The following IMMP2L variants were observed in gnomAD, a reference collection of about 807,000 sequenced individuals.
IMMP2L encodes mitochondrial inner membrane protease subunit 2.
IMMP2L carries 18 observed loss-of-function variants against 19.3 expected under a neutral mutation model. The ratio of observed to expected loss-of-function variants is 0.93; its 90% confidence interval spans 0.64 to 1.38. The LOEUF is 1.38. Ranked by LOEUF, IMMP2L falls within the 40% of genes most tolerant of loss-of-function variation. The probability of loss-of-function intolerance (pLI) is 0.00; values close to 1 mark genes in which losing one functional copy is unlikely to be tolerated. For synonymous variants in IMMP2L, 76 were observed against 73.0 expected, an observed-to-expected ratio of 1.04 and a Z score of -0.21; for missense variants, 233 against 218.2, an observed-to-expected ratio of 1.07 and a Z score of -0.43.
intron 3 of IMMP2L, among the ~76,000 whole-genome samples, chr7:111,375,915 A>G (rs867912745): frequency 3.3e-4 from 50 of 152,264 alleles, no homozygotes; most frequent in South Asian, 6.2e-4. Context: ...TAACAACCAG[A>G]GCAAAAACAA....
intron 3 of IMMP2L, among the ~76,000 whole-genome samples, chr7:111,252,076 A>G (rs1434738132): frequency 6.6e-6 from 1 of 152,138 alleles, no homozygotes; most frequent in African/African-American, 2.4e-5. Context: ...GTAAAAAGAA[A>G]GCATTTCTCT....
At chr7:111,446,560 T>C (rs1838454538) in intron 3 of IMMP2L, among the ~76,000 whole-genome samples, 1 of 151,164 alleles carries the variant, frequency 6.6e-6, no homozygotes, top group Non-Finnish European at 1.5e-5. Context: ...CATCTGTACA[T>C]CACCATCATC....
At chr7:111,448,930 C>T (rs1408138524) in intron 3 of IMMP2L, among the ~76,000 whole-genome samples, 1 of 144,862 alleles carries the variant, frequency 6.9e-6, no homozygotes, top group African/African-American at 2.6e-5. Context: ...ACTACAGACA[C>T]CTCTACGCAA....
intron 2 of IMMP2L, among the ~76,000 whole-genome samples, chr7:111,519,845 T>C (rs973246963): frequency 6.6e-6 from 1 of 152,044 alleles, no homozygotes; most frequent in Admixed American, 6.6e-5. Context: ...GATAGCTGTA[T>C]AGCAAGACAG....
chr7:111,481,267 A>G (rs563064135), intron 3 of IMMP2L, among the ~76,000 whole-genome samples: 2 of 152,310 alleles, frequency 1.3e-5, no homozygotes, highest in African/African-American at 2.4e-5. Flanking sequence ...TAGACATACC[A>G]GGGCCAGAAT....
intron 3 of IMMP2L, among the ~76,000 whole-genome samples, chr7:111,090,670 C>T (rs1477070152): frequency 6.6e-6 from 1 of 150,430 alleles, no homozygotes; most frequent in Non-Finnish European, 1.5e-5. Context: ...TAAGTAGGAT[C>T]TATAGAGAAC....
intron 2 of IMMP2L, among the ~76,000 whole-genome samples, chr7:111,497,318 G>A (rs1455574252): frequency 6.6e-6 from 1 of 152,072 alleles, no homozygotes; most frequent in Non-Finnish European, 1.5e-5. Context: ...ATGTGCAAAG[G>A]AACATATACA....
At chr7:111,539,260 A>G (rs1848302541) in intron 1 of IMMP2L, among the ~76,000 whole-genome samples, 1 of 144,302 alleles carries the variant, frequency 6.9e-6, no homozygotes. Flanking sequence ...GAAAGAAAGA[A>G]AGAAAGAAAG....
At chr7:110,713,000 G>A (rs1031277427) in intron 5 of IMMP2L, among the ~76,000 whole-genome samples, 4 of 152,124 alleles carry the variant, frequency 2.6e-5, no homozygotes, top group Admixed American at 6.5e-5. Flanking sequence ...GCTGTAGACC[G>A]GAGCTGTTCC....
At chr7:110,675,596 A>G (rs1032308092) in intron 5 of IMMP2L, among the ~76,000 whole-genome samples, 1 of 152,236 alleles carries the variant, frequency 6.6e-6, no homozygotes. Flanking sequence ...GTTTAATAAT[A>G]TAGGAACCAA....
At chr7:110,932,135 T>C (rs1157364308) in intron 4 of IMMP2L, among the ~76,000 whole-genome samples, 1 of 152,112 alleles carries the variant, frequency 6.6e-6, no homozygotes, top group Non-Finnish European at 1.5e-5. Flanking sequence ...GTCCTATTTC[T>C]GGCCTCCACA....
At chr7:111,417,066 C>T (rs1835017523) in intron 3 of IMMP2L, among the ~76,000 whole-genome samples, 2 of 151,632 alleles carry the variant, frequency 1.3e-5, no homozygotes, top group South Asian at 2.1e-4. Flanking sequence ...CAACAAACTA[C>T]CATATTAGGT....
At chr7:110,856,045 C>CT (rs1343172592) in intron 5 of IMMP2L, among the ~76,000 whole-genome samples, 1 of 151,910 alleles carries the variant, frequency 6.6e-6, no homozygotes, top group Non-Finnish European at 1.5e-5. Flanking sequence ...CTTCAATTTG[C>CT]TTTTTTCACA....
intron 3 of IMMP2L, among the ~76,000 whole-genome samples, chr7:110,985,478 T>C (rs1821761830): frequency 6.6e-6 from 1 of 152,150 alleles, no homozygotes; most frequent in African/African-American, 2.4e-5. Flanking sequence ...AGTAAGTTGG[T>C]GTCACAAATC....
chr7:110,948,902 C>T (rs1489235623), intron 4 of IMMP2L, among the ~76,000 whole-genome samples: 2 of 152,160 alleles, frequency 1.3e-5, no homozygotes, highest in East Asian at 3.9e-4. Flanking sequence ...GCAATTTCCT[C>T]TCTCTCCTAG....
rs117053923 is a variant in IMMP2L at position 110,753,483 on chromosome 7, T to C, written c.409-89762A>G. ...GACCAAAATCCCATATAGTGTTATATAGGATTTGTGTATAAAGAAGCTCAC... is the reference window on the plus strand; with the variant it reads ...GACCAAAATCCCATATAGTGTTATACAGGATTTGTGTATAAAGAAGCTCAC... On this transcript the variant is annotated intron_variant, in intron 5 of 5. Transcript: ENST00000405709. 1.5e-4 allele frequency among the ~76,000 whole-genome samples: 23 copies of C among 152,160 alleles called. 2 individuals are homozygous for C. The East Asian group carries it at 3.9e-3, about 26-fold the overall frequency.
chr7:111,176,287 A>C, intron 3 of IMMP2L, among the ~76,000 whole-genome samples: 1 of 151,996 alleles, frequency 6.6e-6, no homozygotes, highest in South Asian at 2.1e-4. Context: ...AAGAAATAAA[A>C]TCAGTATTCA....
Position 111,123,983 on chromosome 7 carries a change from G to C in IMMP2L, c.240-160418C>G. On this transcript the variant is annotated intron_variant, in intron 3 of 5. Coordinates refer to ENST00000405709, the MANE Select transcript of IMMP2L (RefSeq NM_032549.4). This position sits in a 1 kb window ranked among gnomAD's most constrained non-coding sequence, Gnocchi z 6.4. ...TGCGTGGACCCACCTGAATTCCAAG[G>C]TCAGAATGTTCGGCAAGTGCATTTC... 1 of 1,613,982 alleles carries C rather than the reference G, an allele frequency of 6.2e-7. No homozygotes were observed. The highest frequency in any genetic ancestry group is 2.2e-5 in the East Asian group (1 of 44,862).
At chr7:111,195,173 A>T (rs1484050619) in intron 3 of IMMP2L, among the ~76,000 whole-genome samples, 8 of 152,136 alleles carry the variant, frequency 5.3e-5, no homozygotes, top group African/African-American at 1.9e-4. Context: ...ACATAAAATT[A>T]CAAAGATTTT....
Sources: allele counts gnomAD v4.1 joint callset (sites outside exome capture counted in the v4.1 genomes callset), GRCh38; gene constraint gnomAD v4.1.1; non-coding constraint Gnocchi (gnomAD v3.1); transcripts MANE v1.5; gene names NCBI Gene and HGNC (gene_info 2026-07-23, HGNC 2026-07-21).